The following TFCP2L1 variants were observed in gnomAD, a reference collection of about 807,000 sequenced individuals.
TFCP2L1 encodes the protein transcription factor CP2 like 1.
In TFCP2L1, 12 loss-of-function variants were observed where a neutral mutation model predicts 72.2. The observed-to-expected ratio is 0.17, with a 90% confidence interval of 0.11 to 0.27. TFCP2L1 has a LOEUF of 0.27. TFCP2L1 is among the 10% of genes least tolerant of loss of function. TFCP2L1 has a pLI of 1.00. For missense variants in TFCP2L1, 488 were observed against 624.6 expected (o/e 0.78, Z 2.33); for synonymous variants, 260 against 251.0 (o/e 1.04, Z -0.34).
Position 121,285,166 on chromosome 2 carries a change from C to T in TFCP2L1, c.-57G>A, listed in dbSNP as rs993377394. On this transcript the variant is annotated 5_prime_UTR_variant, in exon 1 of 15. Transcript: ENST00000263707. ...CGGCAGCAAGCGCAGACGCGGGGCG[C>T]GCCGAGGACCCAGCGGCGGCTTCGC... 2.2e-6 allele frequency: 3 copies of T among 1,380,908 alleles called. No individual in the cohort carries two copies. The highest frequency in any genetic ancestry group is 2.8e-6 in the Non-Finnish European group (3 of 1,062,072). 85.5% of individuals were successfully genotyped at this position (1,380,908 alleles called of 1,614,324 possible).
At chr2:121,242,632 A>C (rs80352667) in intron 6 of TFCP2L1, among the ~76,000 whole-genome samples, 163 bp from the exon 7 acceptor site, 2,639 of 151,870 alleles carry the variant, frequency 0.017, 90 homozygotes, top group African/African-American at 0.06. Flanking sequence ...ATGCTTCCCC[A>C]CCTGAGGAAC....
intron 2 of TFCP2L1, among the ~76,000 whole-genome samples, chr2:121,256,275 T>C (rs1686718390): frequency 6.6e-6 from 1 of 151,398 alleles, no homozygotes; most frequent in African/African-American, 2.4e-5. Flanking sequence ...GAACATACTG[T>C]AAAGTCATGG....
At chr2:121,241,764 C>T (rs988151685) in intron 7 of TFCP2L1, among the ~76,000 whole-genome samples, 1 of 152,098 alleles carries the variant, frequency 6.6e-6, no homozygotes, top group Non-Finnish European at 1.5e-5. Context: ...GAAACAACCC[C>T]GCATCCACCA....
intron 12 of TFCP2L1, 79 bp downstream of exon 12, chr2:121,234,012 A>G (rs1436684787): frequency 1.5e-6 from 2 of 1,293,820 alleles, no homozygotes; most frequent in Non-Finnish European, 2.2e-6. Flanking sequence ...CTGGAAATGA[A>G]CAGAGGCCAG....
chr2:121,261,725 A>G (rs2104731001), intron 2 of TFCP2L1, among the ~76,000 whole-genome samples: 1 of 152,330 alleles, frequency 6.6e-6, no homozygotes, highest in Non-Finnish European at 1.5e-5. Context: ...AAGTGGGCAA[A>G]GATTGAGAGG....
In TFCP2L1 at chr2:121,248,323, A is replaced by G. The variant is rs1026669399; in HGVS notation, c.398-53T>C. On this transcript the variant is annotated intron_variant, in intron 4 of 14. Coordinates refer to ENST00000263707, the MANE Select transcript of TFCP2L1 (RefSeq NM_014553.3). ...GTGCAATTGTCAGCCTCTCCCAAAT[A>G]TTTAGGGAAAGACCCCTGTTACAGG... 6.9e-6 allele frequency: 10 copies of G among 1,443,528 alleles called. No homozygotes were observed. In the African/African-American group the frequency reaches 1.3e-4, roughly 18 times the overall value. The allele number at this position is 1,443,528 out of a possible 1,614,324, so 89.4% of individuals were successfully genotyped here. A position where few individuals can be genotyped will look rare whatever the true frequency, so the allele number is the denominator to read the frequency against.
At position 121,220,106 on chromosome 2, in the gene TFCP2L1, C is replaced by T. The variant is rs540336078; in HGVS notation, c.*4235G>A. Reference sequence around the variant, plus strand: ...TAAGAGGCTTTTCCGTTTATTTCATCGACTTGTTAATGATTTTCAGATCTT... The same window carrying T: ...TAAGAGGCTTTTCCGTTTATTTCATTGACTTGTTAATGATTTTCAGATCTT... On this transcript the variant is annotated 3_prime_UTR_variant, in exon 15 of 15. Coordinates refer to ENST00000263707, the MANE Select transcript of TFCP2L1 (RefSeq NM_014553.3). 2 of 150,992 alleles carry T rather than the reference C, an allele frequency of 1.3e-5. No homozygotes were observed. The highest frequency in any genetic ancestry group is 2.9e-5 in the Non-Finnish European group (2 of 67,876). The allele number at this position is 150,992 out of a possible 1,614,324, so 9.4% of individuals were successfully genotyped here. A position where few individuals can be genotyped will look rare whatever the true frequency, so the allele number is the denominator to read the frequency against.
rs1685981526 is a variant in TFCP2L1 at position 121,224,392 on chromosome 2, A to G, written c.1394-5T>C. 1 of 1,613,640 alleles carries G rather than the reference A, an allele frequency of 6.2e-7. No individual in the cohort carries two copies. The highest frequency in any genetic ancestry group is 1.3e-5 in the African/African-American group (1 of 74,944). On this transcript the variant is annotated splice_polypyrimidine_tract_variant and splice_region_variant and intron_variant, in intron 14 of 14. Coordinates refer to ENST00000263707, the MANE Select transcript of TFCP2L1 (RefSeq NM_014553.3). ...GGTAGCCATCATTGCTCTCAGCTGC[A>G]AGAGAGAAACACTGGGTGTATTTCA...
chr2:121,225,812 CGG>C (rs1686018899), intron 13 of TFCP2L1, among the ~76,000 whole-genome samples, 199 bp from the exon 14 acceptor site: 1 of 151,002 alleles, frequency 6.6e-6, no homozygotes, highest in African/African-American at 2.5e-5. Context: ...ACCACTGCCA[CGG>C]TGCCCACACA....
intron 13 of TFCP2L1, among the ~76,000 whole-genome samples, chr2:121,230,995 G>A (rs559708658): frequency 8.1e-4 from 123 of 152,250 alleles, no homozygotes; most frequent in African/African-American, 2.9e-3. Context: ...CTCAGAGCTT[G>A]GGCCCTGCAG....
In TFCP2L1 at chr2:121,281,239, TC is replaced by T; in HGVS notation, c.94del (p.Glu32ArgfsTer28). On this transcript the variant is annotated frameshift_variant, in exon 2 of 15. Coordinates refer to ENST00000263707, the MANE Select transcript of TFCP2L1 (RefSeq NM_014553.3). LOFTEE classifies it high-confidence loss of function. ...DVLALPIFKQ[E>X]EPQLSPENEA... is the part of the protein sequence containing the mutation. ...GTTCTCGGGGGACAGCTGGGGTTCCTCCTGCTTGAAGATGGGCAGAGCGAGC... is the reference window on the plus strand; with the variant it reads ...GTTCTCGGGGGACAGCTGGGGTTCCTCTGCTTGAAGATGGGCAGAGCGAGC... The T allele has an allele frequency of 6.2e-7, 1 of 1,610,112 alleles. No individual in the cohort carries two copies. Among genetic ancestry groups the T allele is most frequent in the Non-Finnish European group, 8.5e-7 (1 of 1,178,750 alleles).
chr2:121,230,545 C>T (rs1686120128), intron 13 of TFCP2L1, among the ~76,000 whole-genome samples: 2 of 152,142 alleles, frequency 1.3e-5, no homozygotes, highest in African/African-American at 2.4e-5. Context: ...CTTTGGAAGG[C>T]CAAGGTGGGT....
intron 2 of TFCP2L1, among the ~76,000 whole-genome samples, chr2:121,266,704 C>T (rs1032014514): frequency 3.3e-5 from 5 of 152,124 alleles, no homozygotes; most frequent in Non-Finnish European, 5.9e-5. Flanking sequence ...TATCACATCC[C>T]CAGTGAAAGG....
rs750679863 is a variant in TFCP2L1 at position 121,225,622 on chromosome 2, CA to C, written c.1342-10del. On this transcript the variant is annotated splice_polypyrimidine_tract_variant and intron_variant, in intron 13 of 14. Transcript: ENST00000263707. ...TGGAAGTTCTGCACCATCTGAGAGA[CA>C]AAAGAGAGAACATGTTCCTTCAACC... The C allele has an allele frequency of 6.2e-7, 1 of 1,614,036 alleles. No homozygotes were observed. The highest frequency in any genetic ancestry group is 8.5e-7 in the Non-Finnish European group (1 of 1,179,956).
intron 12 of TFCP2L1, 87 bp downstream of exon 12, chr2:121,234,004 G>A: frequency 7.4e-6 from 9 of 1,216,234 alleles, no homozygotes; most frequent in Non-Finnish European, 1.1e-5. Flanking sequence ...CACATTCACT[G>A]GAAATGAACA....
chr2:121,239,970 G>A lies in TFCP2L1; in HGVS notation c.769-321C>T, dbSNP rs562027067. ...CTTGGGTCCACGAGAGAGAAAAAAC[G>A]AAACCAGCCAGTTGTTCACAAACAG... On this transcript the variant is annotated intron_variant, in intron 7 of 14. Coordinates refer to ENST00000263707, the MANE Select transcript of TFCP2L1 (RefSeq NM_014553.3). 4.4e-5 allele frequency: 40 copies of A among 914,134 alleles called. No homozygotes were observed. In the East Asian group the frequency reaches 3.3e-3, roughly 76 times the overall value. 56.6% of individuals were successfully genotyped at this position (914,134 alleles called of 1,614,324 possible).
intron 2 of TFCP2L1, among the ~76,000 whole-genome samples, chr2:121,255,984 A>G (rs546331586): frequency 2.6e-5 from 4 of 151,962 alleles, no homozygotes; most frequent in Non-Finnish European, 5.9e-5. Context: ...CTCGTGATCC[A>G]CCCACCTCGG....
intron 8 of TFCP2L1, among the ~76,000 whole-genome samples, chr2:121,238,695 C>A (rs935189133): frequency 6.6e-6 from 1 of 151,920 alleles, no homozygotes; most frequent in African/African-American, 2.4e-5. Context: ...GAATTCTTAA[C>A]CCCCTTTTGT....
intron 14 of TFCP2L1, 43 bp downstream of exon 14, chr2:121,225,519 C>A: frequency 6.3e-7 from 1 of 1,597,654 alleles, no homozygotes; most frequent in South Asian, 1.1e-5. Flanking sequence ...CCCACCCTCT[C>A]ACCTGCCCCC....
Sources: allele counts gnomAD v4.1 joint callset (sites outside exome capture counted in the v4.1 genomes callset), GRCh38; gene constraint gnomAD v4.1.1; transcripts MANE v1.5; gene names NCBI Gene and HGNC (gene_info 2026-07-23, HGNC 2026-07-21).